Variants in DLD observed in about 807,000 individuals in gnomAD.
The protein encoded by DLD is dihydrolipoyl dehydrogenase, mitochondrial.
In DLD, 36 loss-of-function variants were observed where a neutral mutation model predicts 62.2. The ratio of observed to expected loss-of-function variants is 0.58; its 90% confidence interval spans 0.44 to 0.76. The LOEUF (loss-of-function observed/expected upper bound fraction) is 0.76, where lower values mean the gene tolerates loss of function less well. DLD is among the 30% of genes least tolerant of loss of function. The pLI, the probability that DLD is intolerant of heterozygous loss-of-function variation, is 0.00. For missense variants in DLD, 541 were observed against 608.6 expected (o/e 0.89, Z 1.17); for synonymous variants, 204 against 199.6 (o/e 1.02, Z -0.19).
Position 107,917,965 on chromosome 7 carries a change from C to T in DLD, c.1278C>T (p.Asn426=), listed in dbSNP as rs1461568600. The T allele has an allele frequency of 6.2e-7, 1 of 1,614,002 alleles. No individual in the cohort carries two copies. Among genetic ancestry groups the T allele is most frequent in the Admixed American group, 1.7e-5 (1 of 60,006 alleles). The change falls in exon 12 of 14, where the codon AAC becomes AAT. Residue 426 remains asparagine (N), a synonymous_variant. Coordinates refer to ENST00000205402, the MANE Select transcript of DLD (RefSeq NM_000108.5). ...TTGGGAAATTCCCATTTGCTGCTAA[C>T]AGCAGAGCTAAGACAAATGCTGACA... The part of the protein sequence containing the change: ...YKVGKFPFAA[N]SRAKTNADTD...
chr7:107,893,277 G>A lies in DLD; in HGVS notation c.117G>A (p.Pro39=), dbSNP rs751621846. 8.7e-6 allele frequency: 14 copies of A among 1,610,962 alleles called. No homozygotes were observed. The highest frequency in any genetic ancestry group is 1.3e-5 in the African/African-American group (1 of 74,958). ...CTCTGAGAACTTACGCAGATCAGCCGAGTAAGTACTTAAGTAAAACATTTT... is the reference window on the plus strand; with the variant it reads ...CTCTGAGAACTTACGCAGATCAGCCAAGTAAGTACTTAAGTAAAACATTTT... ...AVPLRTYADQ[P]IDADVTVIGS... The change falls in exon 2 of 14, where the codon CCG becomes CCA. Residue 39 remains proline (P), a splice_region_variant and synonymous_variant. Transcript: ENST00000205402.
At chr7:107,891,312 C>G in intron 1 of DLD, 23 bp downstream of exon 1, 2 of 1,613,796 alleles carry the variant, frequency 1.2e-6, no homozygotes, top group Non-Finnish European at 8.5e-7. Flanking sequence ...TAGGTGAGGT[C>G]GTGTTGAGCC....
intron 2 of DLD, chr7:107,893,529 A>T (rs775679211): frequency 6.3e-6 from 2 of 315,228 alleles, no homozygotes; most frequent in Non-Finnish European, 1.2e-5. Flanking sequence ...ATGGATAAAT[A>T]TTTTGGGAAG....
Position 107,915,628 on chromosome 7 carries a change from G to A in DLD, c.807G>A (p.Gly269=). ...TTCAACGCATCCTTCAAAAACAGGG[G>A]TTTAAATTTAAATTGAATACAAAGG... The part of the protein sequence containing the change: ...KNFQRILQKQ[G]FKFKLNTKVT... The change falls in exon 9 of 14, where the codon GGG becomes GGA. Residue 269 remains glycine (G), a synonymous_variant. Transcript: ENST00000205402. 6.2e-7 allele frequency: 1 copy of A among 1,613,684 alleles called. No homozygotes were observed. Among genetic ancestry groups the A allele is most frequent in the Non-Finnish European group, 8.5e-7 (1 of 1,179,834 alleles).
chr7:107,910,249 A>G (rs2032108176), intron 8 of DLD, among the ~76,000 whole-genome samples: 1 of 152,132 alleles, frequency 6.6e-6, no homozygotes, highest in Admixed American at 6.5e-5. Flanking sequence ...CTTTGTTCTC[A>G]TAGTTGGATA....
At chr7:107,903,597 C>A in intron 5 of DLD, 50 bp downstream of exon 5, 1 of 1,115,412 alleles carries the variant, frequency 9.0e-7, no homozygotes, top group Non-Finnish European at 1.4e-6. Context: ...CTTGACTTGG[C>A]TCTTCTGTCT....
chr7:107,894,882 A>G (rs977320212), intron 2 of DLD, among the ~76,000 whole-genome samples: 3 of 152,264 alleles, frequency 2.0e-5, no homozygotes, highest in African/African-American at 7.2e-5. Flanking sequence ...TATCTGAGGT[A>G]CATGCTTACT....
chr7:107,904,797 T>C, intron 5 of DLD, 161 bp from the exon 6 acceptor site: 1 of 680,662 alleles, frequency 1.5e-6, no homozygotes, highest in East Asian at 2.8e-5. Flanking sequence ...TACAATGATG[T>C]TGGCCTTTTG....
chr7:107,894,380 A>G (rs1449205258), intron 2 of DLD, among the ~76,000 whole-genome samples: 1 of 152,200 alleles, frequency 6.6e-6, no homozygotes, highest in African/African-American at 2.4e-5. Flanking sequence ...TTATCCAACC[A>G]TTATCATTTT....
At chr7:107,913,889 T>C (rs1002882306) in intron 8 of DLD, among the ~76,000 whole-genome samples, 29 of 152,234 alleles carry the variant, frequency 1.9e-4, no homozygotes, top group Non-Finnish European at 2.8e-4. Flanking sequence ...TTTTGAGGTG[T>C]GTCCCTCCTA....
chr7:107,901,932 T>G lies in DLD; in HGVS notation c.198+115T>G. 3 of 835,822 alleles carry G rather than the reference T, an allele frequency of 3.6e-6. No individual in the cohort carries two copies. In the South Asian group the frequency reaches 4.2e-5, roughly 12 times the overall value. The allele number at this position is 835,822 out of a possible 1,614,324, so 51.8% of individuals were successfully genotyped here. On this transcript the variant is annotated intron_variant, in intron 3 of 13. Transcript: ENST00000205402. ...GTAAATACTTCCTTAACTCTATAAA[T>G]TACTTGTAAGCCTGAGACTAATAAA...
Position 107,910,940 on chromosome 7 carries a change from C to G in DLD, c.685-4566C>G, listed in dbSNP as rs73410483. Among the ~76,000 whole-genome samples, 472 of 152,248 alleles carry G rather than the reference C, an allele frequency of 3.1e-3. 2 individuals carry two copies. The highest frequency in any genetic ancestry group is 0.011 in the African/African-American group (439 of 41,564). ...TATTTCCCCTCTATTTACTTCTATC[C>G]CAGTTTCCAAGAATGGTCCTTTCTT... is the stretch of plus-strand genomic sequence containing the variant. On this transcript the variant is annotated intron_variant, in intron 8 of 13. Coordinates refer to ENST00000205402, the MANE Select transcript of DLD (RefSeq NM_000108.5).
chr7:107,911,075 G>A (rs559933334), intron 8 of DLD, among the ~76,000 whole-genome samples: 2 of 152,212 alleles, frequency 1.3e-5, no homozygotes, highest in East Asian at 1.9e-4. Flanking sequence ...GAGTTGTAGA[G>A]CTGTTACCAT....
At chr7:107,912,221 G>C (rs981758148) in intron 8 of DLD, among the ~76,000 whole-genome samples, 3 of 151,358 alleles carry the variant, frequency 2.0e-5, no homozygotes, top group Non-Finnish European at 3.0e-5. Context: ...CATTTTCTTT[G>C]TTTGTCTGCT....
At chr7:107,896,923 C>G (rs529005483) in intron 2 of DLD, among the ~76,000 whole-genome samples, 7 of 152,004 alleles carry the variant, frequency 4.6e-5, no homozygotes, top group African/African-American at 1.7e-4. Context: ...TGCAACTCCA[C>G]CTCCCGGGTT....
At chr7:107,906,740 C>T (rs1036272384) in intron 8 of DLD, among the ~76,000 whole-genome samples, 3 of 152,134 alleles carry the variant, frequency 2.0e-5, no homozygotes, top group African/African-American at 7.2e-5. Context: ...CTCTTCCCTT[C>T]TCTATCCTCA....
Position 107,905,460 on chromosome 7 carries a change from C to G in DLD, c.538C>G (p.Leu180Val). 1 of 1,613,750 alleles carries G rather than the reference C, an allele frequency of 6.2e-7. No individual in the cohort carries two copies. The highest frequency in any genetic ancestry group is 8.5e-7 in the Non-Finnish European group (1 of 1,179,744). The change falls in exon 7 of 14, where the codon CTT becomes GTT. Residue 180 changes from leucine to valine, a missense_variant. By Grantham distance (32) the Leu-to-Val change is conservative. Coordinates refer to ENST00000205402, the MANE Select transcript of DLD (RefSeq NM_000108.5). ...TCAGGTTATTGATACAAAGAACATT[C>G]TTATAGCCACGGGTTCAGAAGTTAC... ...GTQVIDTKNILIATGSEVTPF... is the reference protein window; with the variant it reads ...GTQVIDTKNIVIATGSEVTPF...
chr7:107,898,309 C>T (rs2116189418), intron 2 of DLD, among the ~76,000 whole-genome samples: 1 of 113,862 alleles, frequency 8.8e-6, no homozygotes, highest in Admixed American at 1.2e-4. Flanking sequence ...CAGAGTTTAG[C>T]TCTTGTTGCC....
chr7:107,903,364 A>G (rs1228054728), intron 4 of DLD, 114 bp from the exon 5 acceptor site: 4 of 704,142 alleles, frequency 5.7e-6, no homozygotes, highest in Admixed American at 2.2e-5. Context: ...GGCAATAAGA[A>G]CGAAACTCCG....
Sources: gnomAD v4.1 joint callset for allele counts (sites outside exome capture counted in the v4.1 genomes callset) on GRCh38, gnomAD v4.1.1 for gene constraint, MANE v1.5 for transcripts, NCBI Gene and HGNC (gene_info 2026-07-23, HGNC 2026-07-21) for gene names.